Variants in CNNM2 observed in about 807,000 individuals in gnomAD.
CNNM2 encodes the protein cyclin and CBS domain divalent metal cation transport mediator 2.
In CNNM2, 12 loss-of-function variants were observed where a neutral mutation model predicts 66.9. The ratio of observed to expected loss-of-function variants is 0.18; its 90% CI spans 0.11 to 0.29. CNNM2 has a LOEUF of 0.29. Among genes scored for constraint, CNNM2 ranks in the 10% least tolerant of loss-of-function variants. The pLI, the probability that CNNM2 is intolerant of heterozygous loss-of-function variation, is 1.00. For missense variants in CNNM2, 705 were observed against 1,167.7 expected, an observed-to-expected ratio of 0.60 and a Z score of 5.77; for synonymous variants, 557 against 501.8, an observed-to-expected ratio of 1.11 and a Z score of -1.47.
chr10:102,995,467 C>G (rs1015269667), intron 1 of CNNM2, among the ~76,000 whole-genome samples: 2 of 151,876 alleles, frequency 1.3e-5, no homozygotes, highest in Admixed American at 1.3e-4. Flanking sequence ...CCTGCCTTGG[C>G]CTCCCAACGT....
chr10:102,927,416 A>G, intron 1 of CNNM2: 1 of 1,613,248 alleles, frequency 6.2e-7, no homozygotes, highest in East Asian at 2.2e-5. Flanking sequence ...TCTTTCTTTC[A>G]ACATCACAGA....
At chr10:102,987,246 A>G (rs1161307132) in intron 1 of CNNM2, among the ~76,000 whole-genome samples, 1 of 152,214 alleles carries the variant, frequency 6.6e-6, no homozygotes, top group Non-Finnish European at 1.5e-5. Context: ...GGTAAATTGC[A>G]TGTAGCTGTG....
At chr10:102,995,165 TCCTCCC>T (rs2063969581) in intron 1 of CNNM2, among the ~76,000 whole-genome samples, 1 of 105,802 alleles carries the variant, frequency 9.5e-6, no homozygotes, top group African/African-American at 3.7e-5. Flanking sequence ...CTCTTCCTCC[TCCTCCC>T]CCTCTTCCTC....
intron 1 of CNNM2, among the ~76,000 whole-genome samples, chr10:103,047,344 G>T (rs925830398): frequency 6.6e-6 from 1 of 152,138 alleles, no homozygotes; most frequent in African/African-American, 2.4e-5. Context: ...CTTCAATATT[G>T]TCAATGTCAT....
intron 1 of CNNM2, among the ~76,000 whole-genome samples, chr10:103,039,203 G>A (rs2064995325): frequency 6.6e-6 from 1 of 152,006 alleles, no homozygotes; most frequent in African/African-American, 2.4e-5. Flanking sequence ...GGAATGCATG[G>A]CGTGATCTCA....
chr10:103,077,291 A>G lies in CNNM2; in HGVS notation c.*111A>G, dbSNP rs546767629. ...CTTGTCCGCCATGCTGTACCCTGCA[A>G]CATCCTGAGACCAAAGACCTTGTGC... On this transcript the variant is annotated 3_prime_UTR_variant, in exon 8 of 8. Coordinates refer to ENST00000369878, the MANE Select transcript of CNNM2 (RefSeq NM_017649.5). The G allele has an allele frequency of 1.1e-6, 1 of 923,446 alleles. No homozygotes were observed. The highest frequency in any genetic ancestry group is 1.6e-5 in the South Asian group (1 of 63,002). 57.2% of individuals were successfully genotyped at this position (923,446 alleles called of 1,614,324 possible). A position where few individuals can be genotyped will look rare whatever the true frequency, so the allele number is the denominator to read the frequency against.
chr10:102,996,675 C>A (rs1157157962), intron 1 of CNNM2, among the ~76,000 whole-genome samples: 2 of 152,148 alleles, frequency 1.3e-5, no homozygotes, highest in African/African-American at 4.8e-5. Context: ...CAGAGCAAGA[C>A]CCTGATTCAA....
At chr10:102,971,048 A>C (rs1224782868) in intron 1 of CNNM2, among the ~76,000 whole-genome samples, 1 of 151,780 alleles carries the variant, frequency 6.6e-6, no homozygotes, top group Non-Finnish European at 1.5e-5. Flanking sequence ...AAAATCTAAA[A>C]ATTAGCTGGT....
At chr10:102,941,392 G>A (rs1379604810) in intron 1 of CNNM2, among the ~76,000 whole-genome samples, 8 of 152,188 alleles carry the variant, frequency 5.3e-5, no homozygotes, top group Non-Finnish European at 1.2e-4. Context: ...ACAGGCGTGA[G>A]CCACTGTGCC....
intron 1 of CNNM2, among the ~76,000 whole-genome samples, chr10:102,964,107 A>C (rs970877594): frequency 5.9e-5 from 9 of 152,232 alleles, no homozygotes; most frequent in African/African-American, 1.7e-4. Flanking sequence ...ATAGTCTACA[A>C]ATATTAAGTC....
At chr10:103,011,250 C>G (rs577069604) in intron 1 of CNNM2, among the ~76,000 whole-genome samples, 20 of 152,106 alleles carry the variant, frequency 1.3e-4, no homozygotes, top group African/African-American at 4.6e-4. Context: ...GGCAGGAGTT[C>G]GAGACCAGCT....
chr10:103,072,824 C>T (rs1455144047), intron 6 of CNNM2, among the ~76,000 whole-genome samples: 6 of 152,302 alleles, frequency 3.9e-5, no homozygotes, highest in Admixed American at 2.0e-4. Context: ...TCAGCCACTA[C>T]GGTTTTAGCT....
chr10:102,929,678 A>G (rs546173655), intron 1 of CNNM2, among the ~76,000 whole-genome samples: 1 of 152,292 alleles, frequency 6.6e-6, no homozygotes, highest in Non-Finnish European at 1.5e-5. Context: ...GAAAAAGACA[A>G]CAAGTCTTTT....
At chr10:103,069,987 C>A (rs1259731863) in intron 5 of CNNM2, among the ~76,000 whole-genome samples, 1 of 152,222 alleles carries the variant, frequency 6.6e-6, no homozygotes, top group African/African-American at 2.4e-5. Flanking sequence ...GTCTGAGGAA[C>A]CCAAAGATGT....
At chr10:103,029,877 A>T (rs547999717) in intron 1 of CNNM2, among the ~76,000 whole-genome samples, 15 of 140,554 alleles carry the variant, frequency 1.1e-4, no homozygotes, top group South Asian at 2.4e-4. Flanking sequence ...AAAAAAAAAA[A>T]AATAATCTCA....
chr10:103,064,578 C>T lies in CNNM2; in HGVS notation c.2074-4051C>T, dbSNP rs375291652. Among the ~76,000 whole-genome samples the T allele has an allele frequency of 1.2e-4, 18 of 152,232 alleles. No homozygotes were observed. The East Asian group carries it at 3.3e-3, about 28-fold the overall frequency. ...CCTTTATTTTGCCCTGGCACGGTGG[C>T]TCATGCCTGTAATCCCAACACTTTG... On this transcript the variant is annotated intron_variant, in intron 4 of 7. Transcript: ENST00000369878.
At chr10:102,985,133 C>T (rs1037322643) in intron 1 of CNNM2, among the ~76,000 whole-genome samples, 1 of 152,088 alleles carries the variant, frequency 6.6e-6, no homozygotes, top group South Asian at 2.1e-4. Context: ...AGCAGTTGGG[C>T]AAAATTCCTG....
intron 1 of CNNM2, among the ~76,000 whole-genome samples, chr10:103,000,217 CAA>C (rs1564839461): frequency 6.6e-6 from 1 of 150,982 alleles, no homozygotes; most frequent in Non-Finnish European, 1.5e-5. Context: ...GCGTGTGTGA[CAA>C]GAGCGAAACT....
intron 1 of CNNM2, among the ~76,000 whole-genome samples, chr10:102,987,102 G>A (rs1054263515): frequency 7.2e-5 from 11 of 152,256 alleles, no homozygotes; most frequent in African/African-American, 2.6e-4. Context: ...GAAGTAAACT[G>A]CTGAAGGAGA....
Sources: allele counts gnomAD v4.1 joint callset (sites outside exome capture counted in the v4.1 genomes callset), GRCh38; gene constraint gnomAD v4.1.1; transcripts MANE v1.5; gene names NCBI Gene and HGNC (gene_info 2026-07-23, HGNC 2026-07-21).